CPT1A: variants seen among roughly 807,000 people sequenced by gnomAD.
CPT1A encodes carnitine palmitoyltransferase 1A.
A neutral mutation model predicts 100.8 loss-of-function variants in CPT1A; 64 were observed. The observed-to-expected ratio is 0.63, with a 90% CI of 0.52 to 0.78. The LOEUF (loss-of-function observed/expected upper bound fraction) is 0.78. Among genes scored for constraint, CPT1A ranks in the 30% least tolerant of loss-of-function variants. CPT1A has a pLI of 0.00. For synonymous variants in CPT1A, 363 were observed against 396.0 expected (o/e 0.92, Z 0.99); for missense variants, 802 against 1,034.1 (o/e 0.78, Z 3.08).
Position 68,807,575 on chromosome 11 carries a change from C to T in CPT1A, c.345G>A (p.Trp115Ter). 1 of 1,614,176 alleles carries T rather than the reference C, an allele frequency of 6.2e-7. No individual in the cohort carries two copies. Among genetic ancestry groups the T allele is most frequent in the Admixed American group, 1.7e-5 (1 of 60,008 alleles). Residue 115 changes from tryptophan (W) to a stop codon, truncating the protein, a stop_gained, in exon 4 of 19, where the codon TGG (tryptophan) becomes TGA (stop). Transcript: ENST00000265641. LOFTEE classifies it high-confidence loss of function. Reference protein sequence around the residue: ...VSGVLFGTGLWVALIVTMRYS... With the variant: ...VSGVLFGTGL The stretch of plus-strand genomic sequence containing the variant: ...AGCGCATGGTGACGATGAGGGCCAC[C>T]CACAGGCCGGTGCCAAACAGCACGC...
At chr11:68,771,521 A>G (rs760600031) in intron 14 of CPT1A, among the ~76,000 whole-genome samples, 3 of 152,102 alleles carry the variant, frequency 2.0e-5, no homozygotes, top group Non-Finnish European at 4.4e-5. Flanking sequence ...TAATCACATG[A>G]TCTTTAGTCA....
rs755556780 is a variant in CPT1A, at chr11:68,784,852, C to T, written c.1126G>A (p.Gly376Arg). 46 of 1,612,736 alleles carry T rather than the reference C, an allele frequency of 2.9e-5. No individual in the cohort carries two copies. Among genetic ancestry groups the T allele is most frequent in the Non-Finnish European group, 3.2e-5 (38 of 1,180,028 alleles). Residue 376 changes from glycine (G) to arginine (R), a missense_variant, in exon 10 of 19, where the codon GGG becomes AGG. This residue lies in a region of CPT1A where 627 missense variants were observed against 799.3 expected (regional missense o/e 0.78). Coordinates refer to ENST00000265641, the MANE Select transcript of CPT1A (RefSeq NM_001876.4). ...ILDNTSEPQP[G>R]EARLAALTAG... ...GTGAGGGCTGCCAGCCTGGCCTCCC[C>T]GGGCTGAGGCTCCGAGGTATTGTCC...
intron 1 of CPT1A, among the ~76,000 whole-genome samples, chr11:68,839,250 G>A (rs975982310): frequency 1.3e-5 from 2 of 150,152 alleles, no homozygotes; most frequent in Non-Finnish European, 3.0e-5. Flanking sequence ...CGCCGCCGCT[G>A]CCACCGCCCC....
At chr11:68,761,258 C>T (rs1566339511) in intron 16 of CPT1A, among the ~76,000 whole-genome samples, 1 of 149,418 alleles carries the variant, frequency 6.7e-6, no homozygotes, top group Admixed American at 6.8e-5. Context: ...GCTCACAGCT[C>T]ATCACTCCCT....
chr11:68,818,440 G>A lies in CPT1A; in HGVS notation c.-13-2953C>T, dbSNP rs148507480. On this transcript the variant is annotated intron_variant, in intron 1 of 18. Coordinates refer to ENST00000265641, the MANE Select transcript of CPT1A (RefSeq NM_001876.4). ...GAGCAAGGGAGGAGCTGGGCAAGAC[G>A]ACACACCCGGGAGGTATCAGCACAG... Among the ~76,000 whole-genome samples, 112 of 152,296 alleles carry A rather than the reference G, an allele frequency of 7.4e-4. 1 individual carries two copies. The highest frequency in any genetic ancestry group is 1.3e-3 in the Non-Finnish European group (88 of 68,020).
intron 1 of CPT1A, among the ~76,000 whole-genome samples, chr11:68,837,691 G>A (rs899104827): frequency 1.3e-5 from 2 of 152,082 alleles, no homozygotes; most frequent in Non-Finnish European, 2.9e-5. Flanking sequence ...AGGGTGCTTC[G>A]GGCAGGGCGA....
At chr11:68,808,565 T>A (rs1440311164) in intron 3 of CPT1A, among the ~76,000 whole-genome samples, 2 of 151,550 alleles carry the variant, frequency 1.3e-5, no homozygotes, top group African/African-American at 4.8e-5. Context: ...AGAGATGGGG[T>A]CTTGCCATGT....
intron 18 of CPT1A, among the ~76,000 whole-genome samples, chr11:68,758,902 G>A (rs907952048): frequency 6.6e-6 from 1 of 152,014 alleles, no homozygotes; most frequent in Non-Finnish European, 1.5e-5. Context: ...ATAGGTGTGA[G>A]CCACCGTGCC....
upstream of CPT1A, among the ~76,000 whole-genome samples, chr11:68,842,445 A>T (rs577575786): frequency 5.1e-4 from 77 of 152,152 alleles, no homozygotes; most frequent in African/African-American, 1.8e-3. Context: ...TCTCTAAAAA[A>T]AAAAGCGCGG....
chr11:68,828,306 GA>G (rs953403146), intron 1 of CPT1A, among the ~76,000 whole-genome samples: 1 of 152,256 alleles, frequency 6.6e-6, no homozygotes, highest in Non-Finnish European at 1.5e-5. Context: ...GCTTCTTGGA[GA>G]GGGGGGCATA....
chr11:68,835,929 C>CA (rs1213926546), intron 1 of CPT1A, among the ~76,000 whole-genome samples: 1 of 152,230 alleles, frequency 6.6e-6, no homozygotes, highest in Admixed American at 6.5e-5. Context: ...CCAGCTCTGA[C>CA]ACCTGTTAGG....
At position 68,823,896 on chromosome 11, in the gene CPT1A, A is replaced by C. The variant is rs573295716; in HGVS notation, c.-13-8409T>G. On this transcript the variant is annotated intron_variant, in intron 1 of 18. Coordinates refer to ENST00000265641, the MANE Select transcript of CPT1A (RefSeq NM_001876.4). ...CTCACTCAGAAACAGAAAACCAAAT[A>C]CCGCATGTTCTCACCTATAAGTGGC... Among the ~76,000 whole-genome samples the C allele has an allele frequency of 2.0e-5, 3 of 152,118 alleles. No individual in the cohort carries two copies. The South Asian group carries it at 6.2e-4, about 32-fold the overall frequency.
intron 7 of CPT1A, among the ~76,000 whole-genome samples, chr11:68,795,409 G>C (rs757730744): frequency 6.6e-6 from 1 of 152,200 alleles, no homozygotes; most frequent in Non-Finnish European, 1.5e-5. Flanking sequence ...TGTCCCCATT[G>C]ATGTAGAAAG....
intron 1 of CPT1A, among the ~76,000 whole-genome samples, chr11:68,827,520 C>T (rs10792000): frequency 0.74 from 107,681 of 145,534 alleles, 42,247 homozygotes; most frequent in Non-Finnish European, 0.87. Flanking sequence ...GTCCCCCCTA[C>T]CCCACCCCAC....
chr11:68,801,957 G>A (rs1299095813), intron 5 of CPT1A, among the ~76,000 whole-genome samples: 1 of 152,124 alleles, frequency 6.6e-6, no homozygotes, highest in East Asian at 1.9e-4. Flanking sequence ...ACACTATTCA[G>A]CCACAAAAAG....
chr11:68,769,865 G>A (rs1443063105), intron 14 of CPT1A, among the ~76,000 whole-genome samples: 2 of 151,928 alleles, frequency 1.3e-5, no homozygotes, highest in Non-Finnish European at 2.9e-5. Flanking sequence ...CCTGGCCAAC[G>A]TGGTGAAACT....
At chr11:68,799,448 A>T in intron 5 of CPT1A, 93 bp from the exon 6 acceptor site, 1 of 1,424,510 alleles carries the variant, frequency 7.0e-7, no homozygotes, top group Non-Finnish European at 9.8e-7. Flanking sequence ...AAAAGTTCTA[A>T]CACATTGAAA....
rs555352091 is a variant in CPT1A at position 68,785,117 on chromosome 11, C to G, written c.968-107G>C. ...AAAGGGCATGGGAGTCCCTGCTCTGCGTCTCTCCAGGCAGCCTCAGGAACC... is the reference window on the plus strand; with the variant it reads ...AAAGGGCATGGGAGTCCCTGCTCTGGGTCTCTCCAGGCAGCCTCAGGAACC... On this transcript the variant is annotated intron_variant, in intron 9 of 18. Transcript: ENST00000265641. 225 of 927,528 alleles carry G rather than the reference C, an allele frequency of 2.4e-4. 1 individual carries two copies. Among genetic ancestry groups the G allele is most frequent in the Admixed American group, 3.3e-4 (17 of 51,358 alleles). The allele number at this position is 927,528 out of a possible 1,614,324, so 57.5% of individuals were successfully genotyped here.
At chr11:68,783,708 C>T (rs1329032895) in intron 10 of CPT1A, among the ~76,000 whole-genome samples, 2 of 152,220 alleles carry the variant, frequency 1.3e-5, no homozygotes, top group East Asian at 1.9e-4. Context: ...TGCTGGCAGT[C>T]GGTGGGCAGA....
Sources: allele counts gnomAD v4.1 joint callset (sites outside exome capture counted in the v4.1 genomes callset), GRCh38; gene constraint gnomAD v4.1.1; regional missense constraint gnomAD v4.1.1; transcripts MANE v1.5; gene names NCBI Gene and HGNC (gene_info 2026-07-23, HGNC 2026-07-21).